ZNF148: variants seen among roughly 807,000 people sequenced by gnomAD.
ZNF148 encodes the protein Beta-Enolase Repressor Factor-1.
Under a neutral mutation model 67.7 loss-of-function variants are expected in ZNF148, and 7 were observed. That is an observed-to-expected ratio of 0.10 (90% CI 0.06 to 0.19). The LOEUF (loss-of-function observed/expected upper bound fraction) is 0.19. ZNF148 is among the 10% of genes least tolerant of loss of function. The probability of loss-of-function intolerance (pLI) is 1.00; values close to 1 mark genes in which losing one functional copy is unlikely to be tolerated. For synonymous variants in ZNF148, 333 were observed against 330.7 expected, an observed-to-expected ratio of 1.01 and a Z score of -0.08; for missense variants, 583 against 947.1, an observed-to-expected ratio of 0.62 and a Z score of 5.05.
chr3:125,326,114 T>A (rs1941005447), intron 2 of ZNF148, among the ~76,000 whole-genome samples: 1 of 152,182 alleles, frequency 6.6e-6, no homozygotes, highest in Non-Finnish European at 1.5e-5. Flanking sequence ...AAAATTTTTT[T>A]TGCTAGTAGA....
At chr3:125,324,403 C>G (rs1330982725) in intron 2 of ZNF148, among the ~76,000 whole-genome samples, 90 of 152,152 alleles carry the variant, frequency 5.9e-4, no homozygotes, top group Non-Finnish European at 2.5e-4. Context: ...AGATTCCCAG[C>G]AAGATTACCA....
rs1935843818 is a variant in ZNF148 at position 125,231,294 on chromosome 3, T to A, written c.*1047A>T. 6.6e-6 allele frequency: 1 copy of A among 152,500 alleles called. No individual in the cohort carries two copies. The highest frequency in any genetic ancestry group is 1.5e-5 in the Non-Finnish European group (1 of 67,956). 9.4% of individuals were successfully genotyped at this position (152,500 alleles called of 1,614,324 possible). On this transcript the variant is annotated 3_prime_UTR_variant, in exon 9 of 9. Transcript: ENST00000360647. ...TTTTACAGTTCCAAAGATATCCCAATTTCCTTTTATTGCCAAAAGTTAAAA... is the reference window on the plus strand; with the variant it reads ...TTTTACAGTTCCAAAGATATCCCAAATTCCTTTTATTGCCAAAAGTTAAAA...
chr3:125,352,023 A>T (rs1942170483), intron 1 of ZNF148, among the ~76,000 whole-genome samples: 1 of 152,180 alleles, frequency 6.6e-6, no homozygotes, highest in Non-Finnish European at 1.5e-5. Context: ...ATGACTCAGC[A>T]ATTTTTCACT....
At chr3:125,321,913 T>C (rs906884256) in intron 3 of ZNF148, among the ~76,000 whole-genome samples, 1 of 151,850 alleles carries the variant, frequency 6.6e-6, no homozygotes, top group Non-Finnish European at 1.5e-5. Flanking sequence ...GATGGGACTG[T>C]GCACATACCA....
chr3:125,260,669 G>C (rs1306572240), intron 7 of ZNF148, among the ~76,000 whole-genome samples: 1 of 152,152 alleles, frequency 6.6e-6, no homozygotes, highest in Non-Finnish European at 1.5e-5. Flanking sequence ...GAACTAGTCT[G>C]TATCTTGACT....
chr3:125,315,643 AG>A (rs1409961765), intron 3 of ZNF148, among the ~76,000 whole-genome samples: 2 of 147,152 alleles, frequency 1.4e-5, no homozygotes, highest in Admixed American at 1.4e-4. Flanking sequence ...CAGGAGGGGA[AG>A]GGTGCAGTGA....
intron 7 of ZNF148, among the ~76,000 whole-genome samples, chr3:125,246,392 T>C (rs1385163494): frequency 6.6e-6 from 1 of 152,194 alleles, no homozygotes; most frequent in Non-Finnish European, 1.5e-5. Flanking sequence ...CATAAAATAG[T>C]ACTTAAGAGT....
In ZNF148 at chr3:125,288,027, C is replaced by T; in HGVS notation, c.459+76G>A. 3.1e-6 allele frequency: 5 copies of T among 1,598,894 alleles called. No individual in the cohort carries two copies. The South Asian group carries it at 5.6e-5, about 18-fold the overall frequency. The stretch of plus-strand genomic sequence containing the variant: ...CTTCTACATCTGCCTTAGGGTCCAG[C>T]CAGGTTCTTGCCTATAGAATTAACC... On this transcript the variant is annotated intron_variant, in intron 5 of 8. Transcript: ENST00000360647.
At chr3:125,279,851 A>G (rs562543371) in intron 5 of ZNF148, among the ~76,000 whole-genome samples, 6 of 152,184 alleles carry the variant, frequency 3.9e-5, no homozygotes, top group Non-Finnish European at 8.8e-5. Flanking sequence ...CATAAAAACT[A>G]CTTGAGAAGG....
intron 7 of ZNF148, among the ~76,000 whole-genome samples, chr3:125,248,279 T>C (rs979926156): frequency 6.6e-5 from 10 of 152,220 alleles, no homozygotes; most frequent in African/African-American, 2.4e-4. Flanking sequence ...TCTAACATTT[T>C]AAATTAGTCA....
intron 7 of ZNF148, among the ~76,000 whole-genome samples, chr3:125,250,582 T>C (rs1477924516): frequency 6.6e-6 from 1 of 152,214 alleles, no homozygotes; most frequent in Non-Finnish European, 1.5e-5. Context: ...ACCAATAATA[T>C]GCCAAATGGC....
intron 4 of ZNF148, among the ~76,000 whole-genome samples, chr3:125,303,346 G>A (rs942769608): frequency 6.6e-6 from 1 of 152,158 alleles, no homozygotes; most frequent in Non-Finnish European, 1.5e-5. Context: ...CAACTCCCAG[G>A]CCGTGGACCA....
At chr3:125,366,415 G>T (rs777557748) in intron 1 of ZNF148, among the ~76,000 whole-genome samples, 1 of 152,090 alleles carries the variant, frequency 6.6e-6, no homozygotes, top group Admixed American at 6.5e-5. Flanking sequence ...CTCCTACCTT[G>T]TATTATACCT....
chr3:125,374,508 C>A (rs186899203), intron 1 of ZNF148, among the ~76,000 whole-genome samples: 2 of 152,180 alleles, frequency 1.3e-5, no homozygotes, highest in African/African-American at 4.8e-5. Context: ...ATGAACACCC[C>A]CCAGAATCCT....
At chr3:125,282,894 G>A (rs1176087800) in intron 5 of ZNF148, among the ~76,000 whole-genome samples, 1 of 152,094 alleles carries the variant, frequency 6.6e-6, no homozygotes, top group Non-Finnish European at 1.5e-5. Flanking sequence ...TTAAAAGGCA[G>A]ACATGATTTT....
chr3:125,284,959 A>G (rs541066088), intron 5 of ZNF148, among the ~76,000 whole-genome samples: 20 of 151,576 alleles, frequency 1.3e-4, no homozygotes, highest in African/African-American at 4.8e-4. Context: ...AGAAAAGTTC[A>G]GAAGGCAATT....
intron 7 of ZNF148, 120 bp downstream of exon 7, chr3:125,277,606 C>T (rs1445712538): frequency 4.0e-6 from 3 of 743,314 alleles, no homozygotes; most frequent in South Asian, 2.0e-5. Flanking sequence ...AAAAAGATAA[C>T]CTGTGATTTA....
At chr3:125,347,115 T>C (rs917668030) in intron 1 of ZNF148, among the ~76,000 whole-genome samples, 5 of 152,052 alleles carry the variant, frequency 3.3e-5, no homozygotes, top group Non-Finnish European at 7.4e-5. Flanking sequence ...AAAAATAAAG[T>C]ACTTGGTAAT....
intron 2 of ZNF148, among the ~76,000 whole-genome samples, chr3:125,327,897 G>C (rs1282572532): frequency 6.6e-6 from 1 of 152,092 alleles, no homozygotes; most frequent in Non-Finnish European, 1.5e-5. Context: ...ATTTGAAGAA[G>C]AGTCTCATAT....
Sources: gnomAD v4.1 joint callset for allele counts (sites outside exome capture counted in the v4.1 genomes callset) on GRCh38, gnomAD v4.1.1 for gene constraint, MANE v1.5 for transcripts, NCBI Gene and HGNC (gene_info 2026-07-23, HGNC 2026-07-21) for gene names.